Variants in PDE4D observed in about 807,000 individuals in gnomAD.
The protein encoded by PDE4D is 3',5'-cyclic-AMP phosphodiesterase 4D.
A neutral mutation model predicts 87.4 loss-of-function variants in PDE4D; 24 were observed. The ratio of observed to expected loss-of-function variants is 0.27; its 90% CI spans 0.20 to 0.39. PDE4D has a LOEUF of 0.39. Ranked by LOEUF, PDE4D falls within the 10% of genes least tolerant of loss-of-function variation. PDE4D has a pLI of 1.00. For missense variants in PDE4D, 714 were observed against 1,041.0 expected, an observed-to-expected ratio of 0.69 and a Z score of 4.32; for synonymous variants, 384 against 383.2, an observed-to-expected ratio of 1.00 and a Z score of -0.02.
chr5:60,395,393 C>T (rs1437623590), intron 1 of PDE4D, among the ~76,000 whole-genome samples: 2 of 152,024 alleles, frequency 1.3e-5, no homozygotes, highest in African/African-American at 4.8e-5. Flanking sequence ...TTTATTTTGA[C>T]AGTCCATAGC....
At chr5:59,275,154 T>TA (rs552620040) in intron 1 of PDE4D, among the ~76,000 whole-genome samples, 18 of 150,002 alleles carry the variant, frequency 1.2e-4, no homozygotes, top group South Asian at 1.1e-3. Flanking sequence ...CAAGAGGAAT[T>TA]AAAAAAAAAA....
At chr5:60,440,721 T>A (rs982440284) in intron 1 of PDE4D, among the ~76,000 whole-genome samples, 1 of 152,110 alleles carries the variant, frequency 6.6e-6, no homozygotes, top group Non-Finnish European at 1.5e-5. Flanking sequence ...AGCCCACAAA[T>A]AGCAGACTAA....
At chr5:59,238,878 G>T (rs1757057576) in intron 1 of PDE4D, among the ~76,000 whole-genome samples, 1 of 152,186 alleles carries the variant, frequency 6.6e-6, no homozygotes. Context: ...AAGACAGTAA[G>T]AAATGTGAGG....
intron 1 of PDE4D, among the ~76,000 whole-genome samples, chr5:59,244,680 CTGTGTGTG>C (rs369829189): frequency 0.013 from 1,523 of 120,034 alleles, 16 homozygotes; most frequent in South Asian, 0.017. Context: ...GTGTGTGTGT[CTGTGTGTG>C]TGTGTGTGTG....
intron 1 of PDE4D, among the ~76,000 whole-genome samples, chr5:59,427,084 A>G (rs970275054): frequency 1.4e-5 from 2 of 147,218 alleles, no homozygotes; most frequent in Non-Finnish European, 3.0e-5. Flanking sequence ...TTATGAATAC[A>G]GAAGTGAATT....
chr5:59,887,720 A>AGTGT (rs141991192), intron 1 of PDE4D, among the ~76,000 whole-genome samples: 5 of 150,774 alleles, frequency 3.3e-5, no homozygotes, highest in African/African-American at 4.9e-5. Context: ...GCAAGCCATC[A>AGTGT]GTGTGTGTGT....
chr5:59,824,617 CAATTAATT>C (rs1404448347), intron 1 of PDE4D, among the ~76,000 whole-genome samples: 1 of 152,176 alleles, frequency 6.6e-6, no homozygotes, highest in African/African-American at 2.4e-5. Flanking sequence ...CTAAATAAAT[CAATTAATT>C]AACTTGGATG....
chr5:59,671,608 G>T (rs1446298779), intron 1 of PDE4D, among the ~76,000 whole-genome samples: 1 of 151,976 alleles, frequency 6.6e-6, no homozygotes, highest in Non-Finnish European at 1.5e-5. Flanking sequence ...AAGAATTCAA[G>T]ACCAGCCTGG....
chr5:60,115,236 G>A (rs976740044), intron 2 of PDE4D, among the ~76,000 whole-genome samples: 13 of 152,002 alleles, frequency 8.6e-5, no homozygotes, highest in South Asian at 4.1e-4. Context: ...GTGTGTCACC[G>A]TCCTTTAATT....
intron 1 of PDE4D, among the ~76,000 whole-genome samples, chr5:59,748,543 T>C (rs188241476): frequency 4.0e-5 from 6 of 150,508 alleles, no homozygotes; most frequent in Non-Finnish European, 8.8e-5. Flanking sequence ...CAGCAAACTA[T>C]CGCAAGGACA....
At chr5:60,109,635 G>C (rs1435953203) in intron 2 of PDE4D, among the ~76,000 whole-genome samples, 7 of 152,174 alleles carry the variant, frequency 4.6e-5, no homozygotes, top group African/African-American at 1.7e-4. Context: ...TGATAGACTG[G>C]ATTAAGAAAA....
intron 2 of PDE4D, chr5:60,033,076 T>A (rs749435717): frequency 6.6e-6 from 1 of 152,188 alleles, no homozygotes; most frequent in African/African-American, 2.4e-5. Flanking sequence ...GGTCTATCTA[T>A]ACACAGTGCC....
intron 1 of PDE4D, among the ~76,000 whole-genome samples, chr5:59,406,837 G>T (rs1358071481): frequency 6.6e-6 from 1 of 152,150 alleles, no homozygotes; most frequent in Non-Finnish European, 1.5e-5. Flanking sequence ...GGGCTACGAA[G>T]TTTATTTTTT....
intron 1 of PDE4D, among the ~76,000 whole-genome samples, chr5:59,573,168 C>T (rs915511896): frequency 6.6e-6 from 1 of 152,074 alleles, no homozygotes; most frequent in African/African-American, 2.4e-5. Flanking sequence ...AGATGGAAGG[C>T]CCTCTGCCTC....
At chr5:59,526,791 TTTTTTTGTA>T (rs1204339535) in intron 1 of PDE4D, among the ~76,000 whole-genome samples, 4 of 151,922 alleles carry the variant, frequency 2.6e-5, no homozygotes, top group Admixed American at 1.3e-4. Context: ...GCTTGGCTAT[TTTTTTTGTA>T]TTTTTTGTAC....
intron 1 of PDE4D, among the ~76,000 whole-genome samples, chr5:59,649,932 T>TTTTTTTTTTTTTTTTTTTTTTA (rs1219411329): frequency 7.1e-6 from 1 of 141,746 alleles, no homozygotes; most frequent in Non-Finnish European, 1.5e-5. Flanking sequence ...TTTTTTTTTT[T>TTTTTTTTTTTTTTTTTTTTTTA]AGCAATGACC....
chr5:59,044,217 G>A (rs1046348910), intron 5 of PDE4D, among the ~76,000 whole-genome samples: 74 of 152,170 alleles, frequency 4.9e-4, no homozygotes, highest in African/African-American at 1.7e-3. Flanking sequence ...TCCAGCACCT[G>A]TTGTTTCCTG....
intron 1 of PDE4D, among the ~76,000 whole-genome samples, chr5:60,330,674 A>C (rs1326207253): frequency 6.6e-6 from 1 of 152,226 alleles, no homozygotes. Flanking sequence ...GAATCACCTT[A>C]ATACTCAGAG....
chr5:59,472,728 CA>C (rs1398751165), intron 1 of PDE4D, among the ~76,000 whole-genome samples: 1 of 151,866 alleles, frequency 6.6e-6, no homozygotes, highest in Non-Finnish European at 1.5e-5. Flanking sequence ...AATGCCTACC[CA>C]AAATTATGCT....
Sources: gnomAD v4.1 joint callset for allele counts (sites outside exome capture counted in the v4.1 genomes callset) on GRCh38, gnomAD v4.1.1 for gene constraint, MANE v1.5 for transcripts, NCBI Gene and HGNC (gene_info 2026-07-23, HGNC 2026-07-21) for gene names.